Variants in SPOCK3 observed in about 807,000 individuals in gnomAD.
SPOCK3 encodes the protein SPARC (osteonectin), cwcv and kazal like domains proteoglycan 3, also known as testican-3.
SPOCK3 carries 30 observed loss-of-function variants against 56.6 expected under a neutral mutation model. That is an observed-to-expected ratio of 0.53 (90% CI 0.40 to 0.72). SPOCK3 has a LOEUF of 0.72. Ranked by LOEUF, SPOCK3 falls within the 30% of genes least tolerant of loss-of-function variation. The pLI, the probability that SPOCK3 is intolerant of heterozygous loss-of-function variation, is 0.00. For missense variants in SPOCK3, 527 were observed against 530.0 expected, an observed-to-expected ratio of 0.99 and a Z score of 0.06; for synonymous variants, 196 against 183.3, an observed-to-expected ratio of 1.07 and a Z score of -0.56.
intron 2 of SPOCK3, among the ~76,000 whole-genome samples, chr4:167,134,964 G>A (rs1762993841): frequency 6.6e-6 from 1 of 151,774 alleles, no homozygotes; most frequent in Admixed American, 6.6e-5. Flanking sequence ...AGAGTTTCCA[G>A]ATCCATAAAG....
chr4:166,924,995 C>T (rs1156424673), intron 4 of SPOCK3, among the ~76,000 whole-genome samples: 3 of 152,104 alleles, frequency 2.0e-5, no homozygotes, highest in Non-Finnish European at 1.5e-5. Flanking sequence ...TTAATCACTT[C>T]CCAGCAATAG....
At chr4:167,027,096 C>T (rs970920513) in intron 3 of SPOCK3, among the ~76,000 whole-genome samples, 2 of 151,938 alleles carry the variant, frequency 1.3e-5, no homozygotes, top group Admixed American at 6.6e-5. Context: ...TTATCCTTGA[C>T]ATTTTTTGAA....
chr4:167,000,492 A>G, intron 3 of SPOCK3, 29 bp from the exon 4 acceptor site: 1 of 1,153,254 alleles, frequency 8.7e-7, no homozygotes, highest in Non-Finnish European at 1.3e-6. Context: ...AAATATTAAA[A>G]TAAGCTTCTG....
Position 167,075,145 on chromosome 4 carries a change from C to G in SPOCK3, c.190-12608G>C, listed in dbSNP as rs866587738. On this transcript the variant is annotated intron_variant, in intron 2 of 10. Coordinates refer to ENST00000357545, the MANE Select transcript of SPOCK3 (RefSeq NM_001040159.2). The stretch of plus-strand genomic sequence containing the variant: ...GTACTATTTGGCAGCACTTCTAAAG[C>G]TATTTGTCAGGAGGAACCAGTTTTA... Among the ~76,000 whole-genome samples the G allele has an allele frequency of 1.2e-4, 18 of 151,734 alleles. 1 individual carries two copies. In the Middle Eastern group the frequency reaches 0.014, roughly 115 times the overall value.
chr4:166,768,219 G>A (rs984712405), intron 7 of SPOCK3, among the ~76,000 whole-genome samples: 1 of 152,108 alleles, frequency 6.6e-6, no homozygotes, highest in Admixed American at 6.6e-5. Flanking sequence ...GTGTGAAATT[G>A]ATCCTGTCAT....
chr4:167,107,289 A>T (rs1379879827), intron 2 of SPOCK3, among the ~76,000 whole-genome samples: 1 of 151,988 alleles, frequency 6.6e-6, no homozygotes. Flanking sequence ...CAACACATTG[A>T]AAAGATCATT....
chr4:166,816,300 G>A (rs1253568383), intron 6 of SPOCK3, among the ~76,000 whole-genome samples: 1 of 152,072 alleles, frequency 6.6e-6, no homozygotes, highest in African/African-American at 2.4e-5. Context: ...CTGTGTATAT[G>A]TATGTAATTT....
intron 5 of SPOCK3, among the ~76,000 whole-genome samples, chr4:166,897,229 T>C (rs1735489671): frequency 6.6e-6 from 1 of 152,130 alleles, no homozygotes; most frequent in African/African-American, 2.4e-5. Flanking sequence ...CTAATATTAA[T>C]AGAATTGCCC....
intron 2 of SPOCK3, among the ~76,000 whole-genome samples, chr4:167,099,132 G>T (rs369866746): frequency 6.6e-6 from 1 of 151,734 alleles, no homozygotes; most frequent in East Asian, 1.9e-4. Flanking sequence ...ATTCTTTCTC[G>T]AGATTTTTCC....
At chr4:167,080,943 C>T (rs545960852) in intron 2 of SPOCK3, among the ~76,000 whole-genome samples, 43 of 147,738 alleles carry the variant, frequency 2.9e-4, no homozygotes, top group Admixed American at 8.2e-4. Context: ...TGCAATGGCA[C>T]GATCTCGTCT....
At chr4:167,216,683 G>T (rs575950812) in intron 2 of SPOCK3, among the ~76,000 whole-genome samples, 1 of 152,048 alleles carries the variant, frequency 6.6e-6, no homozygotes, top group Admixed American at 6.6e-5. Context: ...CTGTAGAAAT[G>T]ATGGCATTGC....
rs534260405 is a variant in SPOCK3, at chr4:166,794,728, T to C, written c.590-2439A>G. ...CACAGTCTCGGCTCACTGCAACCTC[T>C]GCCTTTCGGGTTCAAGAGATTCTCC... On this transcript the variant is annotated intron_variant, in intron 6 of 10. Transcript: ENST00000357545. Among the ~76,000 whole-genome samples, 11 of 150,238 alleles carry C rather than the reference T, an allele frequency of 7.3e-5. No individual in the cohort carries two copies. In the Admixed American group the frequency reaches 7.3e-4, roughly 10 times the overall value.
chr4:166,900,331 T>C (rs1323365571), intron 5 of SPOCK3, among the ~76,000 whole-genome samples: 2 of 152,144 alleles, frequency 1.3e-5, no homozygotes, highest in Non-Finnish European at 2.9e-5. Context: ...GAATCTGATA[T>C]TGTTGGGCAT....
chr4:167,112,848 T>TTTTA (rs1554038269), intron 2 of SPOCK3, among the ~76,000 whole-genome samples: 7 of 149,490 alleles, frequency 4.7e-5, no homozygotes, highest in Non-Finnish European at 8.9e-5. Flanking sequence ...TGCTCTTTTT[T>TTTTA]AAAAAAAAAA....
At position 167,144,260 on chromosome 4, in the gene SPOCK3, A is replaced by G. The variant is rs955548285; in HGVS notation, c.190-81723T>C. 6.6e-5 allele frequency among the ~76,000 whole-genome samples: 10 copies of G among 152,114 alleles called. No homozygotes were observed. The Middle Eastern group carries it at 0.01, about 155-fold the overall frequency. Reference sequence around the variant, plus strand: ...ATAAGCTGCTAAAAGCACCCTAACAATTATCTTTGTGCTTTATTAGAAATA... The same window carrying G: ...ATAAGCTGCTAAAAGCACCCTAACAGTTATCTTTGTGCTTTATTAGAAATA... On this transcript the variant is annotated intron_variant, in intron 2 of 10. Transcript: ENST00000357545.
At chr4:167,013,524 A>T (rs892234750) in intron 3 of SPOCK3, among the ~76,000 whole-genome samples, 28 of 151,140 alleles carry the variant, frequency 1.9e-4, no homozygotes, top group African/African-American at 5.8e-4. Flanking sequence ...AATATTATTT[A>T]TAAAACTATT....
chr4:167,162,455 T>C (rs899316244), intron 2 of SPOCK3, among the ~76,000 whole-genome samples: 3 of 152,152 alleles, frequency 2.0e-5, no homozygotes, highest in African/African-American at 4.8e-5. Context: ...ACTAGCCCCA[T>C]GTACTTACTT....
At chr4:166,741,186 A>G (rs1184304877) in intron 9 of SPOCK3, among the ~76,000 whole-genome samples, 1 of 152,234 alleles carries the variant, frequency 6.6e-6, no homozygotes, top group East Asian at 1.9e-4. Context: ...ATTCTAAAAT[A>G]GAAAAAGAAC....
rs550004493 is a variant in SPOCK3, at chr4:166,844,500, C to G, written c.589+44630G>C. On this transcript the variant is annotated intron_variant, in intron 6 of 10. Coordinates refer to ENST00000357545, the MANE Select transcript of SPOCK3 (RefSeq NM_001040159.2). Reference sequence around the variant, plus strand: ...GTAAACTCTGAGTAAAGAAATTACCCTTCATAGTGGGGTTGAGCCTCGTCC... The same window carrying G: ...GTAAACTCTGAGTAAAGAAATTACCGTTCATAGTGGGGTTGAGCCTCGTCC... Among the ~76,000 whole-genome samples the G allele has an allele frequency of 3.9e-5, 6 of 152,012 alleles. No individual in the cohort carries two copies. In the East Asian group the frequency reaches 5.8e-4, roughly 15 times the overall value.
Sources: gnomAD v4.1 joint callset for allele counts (sites outside exome capture counted in the v4.1 genomes callset) on GRCh38, gnomAD v4.1.1 for gene constraint, MANE v1.5 for transcripts, NCBI Gene and HGNC (gene_info 2026-07-23, HGNC 2026-07-21) for gene names.